The following ZFYVE16 variants were observed in gnomAD, a reference collection of about 807,000 sequenced individuals.
The protein encoded by ZFYVE16 is zinc finger FYVE domain-containing protein 16.
In ZFYVE16, 89 loss-of-function variants were observed where a neutral mutation model predicts 138.1. The observed-to-expected ratio is 0.64, with a 90% CI of 0.54 to 0.77. The LOEUF (loss-of-function observed/expected upper bound fraction) is 0.77. Ranked by LOEUF, ZFYVE16 falls within the 30% of genes least tolerant of loss-of-function variation. The pLI, the probability that ZFYVE16 is intolerant of heterozygous loss-of-function variation, is 0.00. For missense variants in ZFYVE16, 1,793 were observed against 1,786.7 expected (o/e 1.00, Z -0.06); for synonymous variants, 596 against 618.3 (o/e 0.96, Z 0.53).
chr5:80,414,125 A>G (rs971938167), intron 1 of ZFYVE16, among the ~76,000 whole-genome samples: 2 of 152,046 alleles, frequency 1.3e-5, no homozygotes, highest in African/African-American at 4.8e-5. Flanking sequence ...TCTTTTGTAC[A>G]TGTACCTTTT....
chr5:80,421,690 T>G (rs1159863219), intron 1 of ZFYVE16, among the ~76,000 whole-genome samples: 1 of 152,244 alleles, frequency 6.6e-6, no homozygotes, highest in Non-Finnish European at 1.5e-5. Context: ...CTGTTTTGGT[T>G]ACTGTAGCCT....
intron 15 of ZFYVE16, among the ~76,000 whole-genome samples, chr5:80,468,689 G>A (rs75470810): frequency 0.028 from 4,196 of 152,004 alleles, 171 homozygotes; most frequent in African/African-American, 0.091. Context: ...TTTTATTGCC[G>A]ATGTAAATGG....
chr5:80,416,013 G>A (rs546523663), intron 1 of ZFYVE16, among the ~76,000 whole-genome samples: 4 of 152,218 alleles, frequency 2.6e-5, no homozygotes, highest in South Asian at 2.1e-4. Flanking sequence ...TTGAGGTAGT[G>A]TTTGTTAGGT....
rs752133820 is a variant in ZFYVE16 at position 80,474,839 on chromosome 5, T to A, written c.4461+9T>A. On this transcript the variant is annotated intron_variant, in intron 18 of 18. Transcript: ENST00000505560. ...CCATTGACACTGATATGGTGAGGCA[T>A]GTTTTTGTGATGTATTTTTGAAATG... 1 of 1,587,488 alleles carries A rather than the reference T, an allele frequency of 6.3e-7. No homozygotes were observed. Among genetic ancestry groups the A allele is most frequent in the South Asian group, 1.1e-5 (1 of 87,680 alleles).
intron 1 of ZFYVE16, among the ~76,000 whole-genome samples, chr5:80,411,294 T>TAA (rs959174225): frequency 3.3e-5 from 5 of 150,916 alleles, no homozygotes; most frequent in African/African-American, 1.2e-4. Context: ...TATATGCTTA[T>TAA]AAAAAAAAAG....
At chr5:80,410,626 A>C (rs1441157931) in intron 1 of ZFYVE16, among the ~76,000 whole-genome samples, 1 of 151,884 alleles carries the variant, frequency 6.6e-6, no homozygotes, top group Non-Finnish European at 1.5e-5. Context: ...GCTGGAGTGC[A>C]GTGGCGTGAT....
intron 15 of ZFYVE16, among the ~76,000 whole-genome samples, chr5:80,469,646 G>C (rs1453843855): frequency 2.6e-5 from 4 of 152,156 alleles, no homozygotes; most frequent in African/African-American, 9.7e-5. Context: ...CACTGTATGT[G>C]TGTGTGTGAG....
rs1755275559 is a variant in ZFYVE16, at chr5:80,481,668, A to G, written c.*4291A>G. ...ATTTAAACAGGATAGAGAATATCAT[A>G]ATATTCCAAATATATCCCAGAAACA... is the stretch of plus-strand genomic sequence containing the variant. On this transcript the variant is annotated 3_prime_UTR_variant, in exon 19 of 19. Coordinates refer to ENST00000505560, the MANE Select transcript of ZFYVE16 (RefSeq NM_001284236.3). 6.6e-6 allele frequency among the ~76,000 whole-genome samples: 1 copy of G among 152,238 alleles called. No individual in the cohort carries two copies. The highest frequency in any genetic ancestry group is 1.5e-5 in the Non-Finnish European group (1 of 68,048).
chr5:80,434,053 G>A lies in ZFYVE16; in HGVS notation c.-39-56G>A. ...CTGTGTTTCCTGGCATGGAATACAT[G>A]GCATAAAATTTGTTATGTAATTAAA... On this transcript the variant is annotated intron_variant, in intron 2 of 18. Transcript: ENST00000505560. The A allele has an allele frequency of 3.4e-6, 4 of 1,161,998 alleles. No homozygotes were observed. In the South Asian group the frequency reaches 4.3e-5, roughly 13 times the overall value. 72.0% of individuals were successfully genotyped at this position (1,161,998 alleles called of 1,614,324 possible).
intron 6 of ZFYVE16, 74 bp downstream of exon 6, chr5:80,443,358 T>G: frequency 6.6e-7 from 1 of 1,509,516 alleles, no homozygotes; most frequent in African/African-American, 1.4e-5. Flanking sequence ...AGCCAGAGTC[T>G]AGTCAGGAAA....
chr5:80,474,053 A>G (rs755488477), intron 17 of ZFYVE16, among the ~76,000 whole-genome samples, 194 bp downstream of exon 17: 1 of 152,220 alleles, frequency 6.6e-6, no homozygotes. Flanking sequence ...AGTTCAGGCT[A>G]TCAAATGGTG....
intron 14 of ZFYVE16, 118 bp downstream of exon 14, chr5:80,457,210 A>G: frequency 1.4e-6 from 2 of 1,381,966 alleles, no homozygotes; most frequent in Non-Finnish European, 1.9e-6. Context: ...ATAAAACAAT[A>G]TGTTTTGAAA....
chr5:80,438,350 T>G lies in ZFYVE16; in HGVS notation c.1665T>G (p.Asn555Lys). 6.2e-7 allele frequency: 1 copy of G among 1,613,512 alleles called. No homozygotes were observed. The highest frequency in any genetic ancestry group is 8.5e-7 in the Non-Finnish European group (1 of 1,179,838). Residue 555 changes from asparagine (N) to lysine (K), a missense_variant, in exon 4 of 19, where the codon AAT (asparagine) becomes AAG (lysine). Physicochemically the swap from Asn to Lys is moderately conservative, Grantham distance 94. This residue lies in a region of ZFYVE16 where 1,295 missense variants were observed against 1,204.3 expected (regional missense o/e 1.08). Transcript: ENST00000505560. ...TNIKSFEENV[N>K]DSKSQMNQID... ...TAAAGTCTTTTGAAGAAAATGTAAA[T>G]GACTCTAAATCGCAAATGAATCAGA... is the stretch of plus-strand genomic sequence containing the variant.
intron 2 of ZFYVE16, among the ~76,000 whole-genome samples, chr5:80,433,471 A>T (rs959302489): frequency 6.6e-6 from 1 of 152,158 alleles, no homozygotes; most frequent in Non-Finnish European, 1.5e-5. Flanking sequence ...TAGCATTAGG[A>T]GATATACCTA....
chr5:80,467,828 A>G (rs1045105271), intron 15 of ZFYVE16, among the ~76,000 whole-genome samples: 2 of 152,236 alleles, frequency 1.3e-5, no homozygotes, highest in African/African-American at 4.8e-5. Flanking sequence ...GTATAAATCA[A>G]TTATTTAAAA....
At position 80,440,041 on chromosome 5, in the gene ZFYVE16, T is replaced by A; in HGVS notation, c.2419+9T>A. The A allele has an allele frequency of 1.3e-6, 2 of 1,580,528 alleles. No individual in the cohort carries two copies. The highest frequency in any genetic ancestry group is 1.7e-6 in the Non-Finnish European group (2 of 1,166,248). On this transcript the variant is annotated intron_variant, in intron 5 of 18. Transcript: ENST00000505560. Reference sequence around the variant, plus strand: ...TGAAACTATTAGTAAAGGTGAGTATTAACTTGATATATTTTCTTCCAGTAA... The same window carrying A: ...TGAAACTATTAGTAAAGGTGAGTATAAACTTGATATATTTTCTTCCAGTAA...
chr5:80,469,074 CTTAT>C (rs1195993180), intron 15 of ZFYVE16, among the ~76,000 whole-genome samples: 1 of 148,584 alleles, frequency 6.7e-6, no homozygotes, highest in East Asian at 1.9e-4. Flanking sequence ...TATTTTTCTT[CTTAT>C]TTCTTTTCTT....
intron 15 of ZFYVE16, among the ~76,000 whole-genome samples, chr5:80,461,027 T>C (rs796716447): frequency 4.6e-5 from 7 of 152,310 alleles, no homozygotes; most frequent in African/African-American, 1.7e-4. Flanking sequence ...AAGTATTTTT[T>C]TAGAAACATA....
At chr5:80,409,099 CAATT>C (rs1394987815) in intron 1 of ZFYVE16, among the ~76,000 whole-genome samples, 2 of 152,060 alleles carry the variant, frequency 1.3e-5, no homozygotes, top group Non-Finnish European at 2.9e-5. Flanking sequence ...TAATAGTAAT[CAATT>C]ACTTATAATA....
Sources: gnomAD v4.1 joint callset for allele counts (sites outside exome capture counted in the v4.1 genomes callset) on GRCh38, gnomAD v4.1.1 for gene constraint, gnomAD v4.1.1 regional missense constraint, MANE v1.5 for transcripts, NCBI Gene and HGNC (gene_info 2026-07-23, HGNC 2026-07-21) for gene names.